The following PTGFRN variants were observed in gnomAD, a reference collection of about 807,000 sequenced individuals.
PTGFRN encodes the protein prostaglandin F2 receptor inhibitor, also known as prostaglandin F2 receptor negative regulator.
Under a neutral mutation model 83.2 loss-of-function variants are expected in PTGFRN, and 35 were observed. The ratio of observed to expected loss-of-function variants is 0.42; its 90% CI spans 0.32 to 0.56. The LOEUF (loss-of-function observed/expected upper bound fraction) is 0.56. Among genes scored for constraint, PTGFRN ranks in the 20% least tolerant of loss-of-function variants. The pLI is 0.11. For synonymous variants in PTGFRN, 519 were observed against 498.6 expected (o/e 1.04, Z -0.55); for missense variants, 1,051 against 1,179.5 (o/e 0.89, Z 1.60).
Position 116,930,526 on chromosome 1 carries a change from C to T in PTGFRN, c.50-11189C>T, listed in dbSNP as rs375674197. 1.6e-4 allele frequency among the ~76,000 whole-genome samples: 24 copies of T among 152,244 alleles called. No individual in the cohort carries two copies. In the East Asian group the frequency reaches 1.9e-3, roughly 12 times the overall value. On this transcript the variant is annotated intron_variant, in intron 1 of 8. Transcript: ENST00000393203. Reference sequence around the variant, plus strand: ...TCTAGGGGTTTCCATTCCAACTGTCCGGTGGACATTTCTACTGGTCAAAAT... The same window carrying T: ...TCTAGGGGTTTCCATTCCAACTGTCTGGTGGACATTTCTACTGGTCAAAAT...
chr1:116,977,091 G>C (rs1651178720), intron 7 of PTGFRN, among the ~76,000 whole-genome samples: 1 of 151,814 alleles, frequency 6.6e-6, no homozygotes, highest in African/African-American at 2.4e-5. Context: ...TGATAAAACA[G>C]ACTTTAAACC....
intron 1 of PTGFRN, among the ~76,000 whole-genome samples, chr1:116,932,862 A>G (rs1649832553): frequency 6.6e-6 from 1 of 152,228 alleles, no homozygotes; most frequent in Non-Finnish European, 1.5e-5. Context: ...CTTATGCTGC[A>G]CTATCAAGTT....
At chr1:116,921,479 TA>T (rs1231714348) in intron 1 of PTGFRN, among the ~76,000 whole-genome samples, 1 of 152,216 alleles carries the variant, frequency 6.6e-6, no homozygotes, top group Non-Finnish European at 1.5e-5. Context: ...AGTTCCAAGT[TA>T]AGACCATAGT....
At chr1:116,910,720 G>T (rs576319623) in intron 1 of PTGFRN, among the ~76,000 whole-genome samples, 2 of 152,276 alleles carry the variant, frequency 1.3e-5, no homozygotes, top group East Asian at 3.9e-4. Context: ...GCGCGGAGTT[G>T]CCTTTCCAGG....
chr1:116,960,299 G>A (rs1650614823), intron 4 of PTGFRN, among the ~76,000 whole-genome samples: 1 of 152,202 alleles, frequency 6.6e-6, no homozygotes, highest in Non-Finnish European at 1.5e-5. Flanking sequence ...AGGTGTAGAG[G>A]AGCTGGGGGA....
In PTGFRN at chr1:116,987,042, A is replaced by G; in HGVS notation, c.*75A>G. ...CAAGAAGAGGACAGTGATATTTTAA[A>G]ACAAAGTGTGTTACACTAAAAACCA... On this transcript the variant is annotated 3_prime_UTR_variant, in exon 9 of 9. Transcript: ENST00000393203. 1.3e-6 allele frequency: 2 copies of G among 1,562,554 alleles called. No homozygotes were observed. Among genetic ancestry groups the G allele is most frequent in the Admixed American group, 3.4e-5 (2 of 58,230 alleles).
intron 1 of PTGFRN, among the ~76,000 whole-genome samples, chr1:116,937,198 A>G (rs1649942994): frequency 6.7e-6 from 1 of 148,728 alleles, no homozygotes; most frequent in Non-Finnish European, 1.5e-5. Context: ...TGGCTGGAGT[A>G]TAGTGGAGGA....
chr1:116,976,191 T>C (rs1244707207), intron 7 of PTGFRN, among the ~76,000 whole-genome samples: 1 of 152,022 alleles, frequency 6.6e-6, no homozygotes, highest in Non-Finnish European at 1.5e-5. Flanking sequence ...TAAAAAGAAA[T>C]GAACAAAGCC....
chr1:116,928,605 T>G (rs1172792245), intron 1 of PTGFRN, among the ~76,000 whole-genome samples: 1 of 152,216 alleles, frequency 6.6e-6, no homozygotes, highest in East Asian at 1.9e-4. Context: ...CATCTGAGAT[T>G]CCAGCAAAGT....
chr1:116,970,426 A>G (rs949256080), intron 6 of PTGFRN, among the ~76,000 whole-genome samples: 6 of 150,784 alleles, frequency 4.0e-5, no homozygotes, highest in Non-Finnish European at 8.9e-5. Context: ...TTATTTGTGT[A>G]TTTGTTTTGC....
At chr1:116,943,462 T>C (rs1650109082) in intron 2 of PTGFRN, among the ~76,000 whole-genome samples, 1 of 152,178 alleles carries the variant, frequency 6.6e-6, no homozygotes, top group Admixed American at 6.5e-5. Context: ...TCTTCTGCTG[T>C]CTTTGGAAGG....
chr1:116,974,152 C>A, intron 6 of PTGFRN, 64 bp from the exon 7 acceptor site: 1 of 1,298,796 alleles, frequency 7.7e-7, no homozygotes. Context: ...CCTTAGAGTG[C>A]AAAGAATGGA....
chr1:116,964,966 T>C (rs1650784571), intron 5 of PTGFRN, among the ~76,000 whole-genome samples: 1 of 152,234 alleles, frequency 6.6e-6, no homozygotes, highest in African/African-American at 2.4e-5. Context: ...CTGTTAAATA[T>C]AAGTCAGGTC....
At position 116,923,240 on chromosome 1, in the gene PTGFRN, G is replaced by A. The variant is rs2250448; in HGVS notation, c.49+12988G>A. Among the ~76,000 whole-genome samples the A allele has an allele frequency of 0.17, 25,219 of 152,140 alleles. 4,451 individuals carry two copies. The highest frequency in any genetic ancestry group is 0.44 in the African/African-American group (18,414 of 41,448). ...GCTTAGAAAAATGCCTATAAGGTGTGTATATTATATATATTTAAAATTGTG... is the reference window on the plus strand; with the variant it reads ...GCTTAGAAAAATGCCTATAAGGTGTATATATTATATATATTTAAAATTGTG... On this transcript the variant is annotated intron_variant, in intron 1 of 8. Transcript: ENST00000393203. The surrounding 1 kb of genome is among the most constrained non-coding windows in gnomAD (Gnocchi z 4.0).
At position 116,952,445 on chromosome 1, in the gene PTGFRN, G is replaced by A. The variant is rs1161995443; in HGVS notation, c.1213+2873G>A. 6.6e-6 allele frequency among the ~76,000 whole-genome samples: 1 copy of A among 152,090 alleles called. No individual in the cohort carries two copies. Among genetic ancestry groups the A allele is most frequent in the Non-Finnish European group, 1.5e-5 (1 of 68,008 alleles). ...AGAAAAAACCTCTTTTACTTAGAATGTATGTCCTACTTTAAAGGGAAAGAA... is the reference window on the plus strand; with the variant it reads ...AGAAAAAACCTCTTTTACTTAGAATATATGTCCTACTTTAAAGGGAAAGAA... On this transcript the variant is annotated intron_variant, in intron 4 of 8. Transcript: ENST00000393203. The surrounding 1 kb of genome is among the most constrained non-coding windows in gnomAD (Gnocchi z 4.0).
rs752041879 is a variant in PTGFRN at position 116,945,089 on chromosome 1, T to TGA, written c.829_830insGA (p.Ser277Ter). The TGA allele has an allele frequency of 1.5e-5, 24 of 1,610,258 alleles. No homozygotes were observed. The highest frequency in any genetic ancestry group is 1.3e-4 in the Admixed American group (8 of 59,824). The change falls in exon 3 of 9, where the codon TCA (serine) becomes TGACA (stop). Residue 277 changes from serine (S) to a stop codon, truncating the protein, a stop_gained and frameshift_variant. Transcript: ENST00000393203. LOFTEE classifies it high-confidence loss of function. ...AGTTGCCACCGTGGTGATCCAGCCA[T>TGA]CAGGTGAGCTGGAAACGATGCGTTA... ...VEVATVVIQP[S>*]VLRAAVPKNV...
intron 1 of PTGFRN, among the ~76,000 whole-genome samples, chr1:116,921,783 G>A (rs927414300): frequency 3.9e-5 from 6 of 152,160 alleles, no homozygotes; most frequent in African/African-American, 1.4e-4. Context: ...GGGTGAATGA[G>A]TTATTAGATC....
intron 1 of PTGFRN, among the ~76,000 whole-genome samples, chr1:116,917,624 C>T (rs1228923312): frequency 6.6e-6 from 1 of 152,102 alleles, no homozygotes; most frequent in Non-Finnish European, 1.5e-5. Context: ...TATATGTTCC[C>T]TTGTTCCCTG....
intron 7 of PTGFRN, among the ~76,000 whole-genome samples, chr1:116,977,899 C>CA (rs1651201328): frequency 6.6e-6 from 1 of 151,940 alleles, no homozygotes; most frequent in Admixed American, 6.6e-5. Context: ...GATAGAGACA[C>CA]AAAAAACCCT....
Sources: gnomAD v4.1 joint callset for allele counts (sites outside exome capture counted in the v4.1 genomes callset) on GRCh38, gnomAD v4.1.1 for gene constraint, Gnocchi (gnomAD v3.1) non-coding constraint, MANE v1.5 for transcripts, NCBI Gene and HGNC (gene_info 2026-07-23, HGNC 2026-07-21) for gene names.